FATE1: variants seen among roughly 807,000 people sequenced by gnomAD.
The protein encoded by FATE1 is fetal and adult testis expressed 1.
In FATE1, 18 loss-of-function variants were observed where a neutral mutation model predicts 16.0. The ratio of observed to expected loss-of-function variants is 1.12; its 90% CI spans 0.78 to 1.66. The LOEUF is 1.66. Among genes scored for constraint, FATE1 ranks in the 40% most tolerant of loss-of-function variants. The pLI, the probability that FATE1 is intolerant of heterozygous loss-of-function variation, is 0.00. For synonymous variants in FATE1, 76 were observed against 56.9 expected, an observed-to-expected ratio of 1.34 and a Z score of -1.51; for missense variants, 169 against 152.7, an observed-to-expected ratio of 1.11 and a Z score of -0.56.
At chrX:151,719,310 T>C (rs2015094362) in intron 2 of FATE1, among the ~76,000 whole-genome samples, 1 of 112,169 alleles carries the variant, frequency 8.9e-6, no homozygotes, top group South Asian at 3.8e-4. Flanking sequence ...AATGCTATCC[T>C]GCTGACTTGG....
At position 151,722,882 on chromosome X, in the gene FATE1, C is replaced by A; in HGVS notation, c.*123C>A. On this transcript the variant is annotated 3_prime_UTR_variant, in exon 5 of 5. Coordinates refer to ENST00000370350, the MANE Select transcript of FATE1 (RefSeq NM_033085.3). The stretch of plus-strand genomic sequence containing the variant: ...CAGCAGCCCTCAGGAGCGTCAGGAT[C>A]ATTTTCAACTCTGGTTAGGCCTCCT... 1 of 935,794 alleles carries A rather than the reference C, an allele frequency of 1.1e-6. No individual in the cohort carries two copies. Among genetic ancestry groups the A allele is most frequent in the Non-Finnish European group, 1.4e-6 (1 of 692,588 alleles). 77.1% of individuals were successfully genotyped at this position (935,794 alleles called of 1,213,427 possible).
At position 151,722,617 on chromosome X, in the gene FATE1, C is replaced by G. The variant is rs2015127463; in HGVS notation, c.421-11C>G. 8.3e-7 allele frequency: 1 copy of G among 1,211,219 alleles called. No individual in the cohort carries two copies. The highest frequency in any genetic ancestry group is 1.7e-5 in the African/African-American group (1 of 57,643). On this transcript the variant is annotated splice_polypyrimidine_tract_variant and intron_variant, in intron 4 of 4. Coordinates refer to ENST00000370350, the MANE Select transcript of FATE1 (RefSeq NM_033085.3). ...CCTCGCTCAGCAGCCCTGCCTTTGA[C>G]TCCTCTGCAGCTGTATGCAGTCAAC... is the stretch of plus-strand genomic sequence containing the variant.
chrX:151,721,263 C>T (rs1172237706), intron 2 of FATE1, 132 bp from the exon 3 acceptor site: 1 of 549,375 alleles, frequency 1.8e-6, no homozygotes, highest in East Asian at 3.6e-5. Context: ...CGGCCTGAAG[C>T]TGCCAGCCCT....
rs1459805986 is a variant in FATE1 at position 151,716,111 on chromosome X, C to G, written c.-9C>G. 2.6e-6 allele frequency: 3 copies of G among 1,158,426 alleles called. No individual in the cohort carries two copies. The East Asian group carries it at 9.8e-5, about 38-fold the overall frequency. ...TTAGCCATAGCTTACAAGAGAACAGCTGGTTGTGATGGCAGGAGGCCCTCC... is the reference window on the plus strand; with the variant it reads ...TTAGCCATAGCTTACAAGAGAACAGGTGGTTGTGATGGCAGGAGGCCCTCC... On this transcript the variant is annotated 5_prime_UTR_variant, in exon 1 of 5. Transcript: ENST00000370350.
At chrX:151,720,078 C>T (rs2015101736) in intron 2 of FATE1, among the ~76,000 whole-genome samples, 1 of 111,868 alleles carries the variant, frequency 8.9e-6, no homozygotes, top group African/African-American at 3.3e-5. Context: ...TCATTTGGTT[C>T]AGGTTTTGGC....
chrX:151,717,717 CGTGT>C (rs59141256), intron 2 of FATE1, among the ~76,000 whole-genome samples: 10,089 of 109,176 alleles, frequency 0.092, 535 homozygotes, highest in African/African-American at 0.2. Flanking sequence ...GTGTGTGGTA[CGTGT>C]GTGTGTGTGT....
chrX:151,718,797 T>C (rs996841673), intron 2 of FATE1, among the ~76,000 whole-genome samples: 2 of 110,449 alleles, frequency 1.8e-5, no homozygotes, highest in Admixed American at 1.9e-4. Context: ...AGGGAAAATT[T>C]TAGAAAATGG....
In FATE1 at chrX:151,716,079, TGC is replaced by T; in HGVS notation, c.-40_-39del. On this transcript the variant is annotated 5_prime_UTR_variant, in exon 1 of 5. Coordinates refer to ENST00000370350, the MANE Select transcript of FATE1 (RefSeq NM_033085.3). ...TGACTCCTCTGTTCCTGGCACCCTGTGCATCCTTAGCCATAGCTTACAAGAGA... is the reference window on the plus strand; with the variant it reads ...TGACTCCTCTGTTCCTGGCACCCTGTATCCTTAGCCATAGCTTACAAGAGA... The T allele has an allele frequency of 9.1e-7, 1 of 1,101,367 alleles. No individual in the cohort carries two copies. 90.8% of individuals were successfully genotyped at this position (1,101,367 alleles called of 1,213,427 possible). A position where few individuals can be genotyped will look rare whatever the true frequency, so the allele number is the denominator to read the frequency against.
chrX:151,716,855 T>C (rs2124354454), intron 1 of FATE1, among the ~76,000 whole-genome samples: 1 of 111,328 alleles, frequency 9.0e-6, no homozygotes, highest in Non-Finnish European at 1.9e-5. Context: ...GTCTCCTACT[T>C]TTCTAGGAGG....
At position 151,722,795 on chromosome X, in the gene FATE1, T is replaced by C. The variant is rs766405723; in HGVS notation, c.*36T>C. The C allele has an allele frequency of 2.5e-6, 3 of 1,178,279 alleles. No homozygotes were observed. The highest frequency in any genetic ancestry group is 3.4e-6 in the Non-Finnish European group (3 of 877,706). On this transcript the variant is annotated 3_prime_UTR_variant, in exon 5 of 5. Coordinates refer to ENST00000370350, the MANE Select transcript of FATE1 (RefSeq NM_033085.3). ...GCGGCCTCCGTATTGGAGCCCTCCCTGCTTCCCCTTCTTTCTTTCCTCTTT... is the reference window on the plus strand; with the variant it reads ...GCGGCCTCCGTATTGGAGCCCTCCCCGCTTCCCCTTCTTTCTTTCCTCTTT...
chrX:151,722,358 C>G (rs2015124362), intron 4 of FATE1, among the ~76,000 whole-genome samples: 1 of 112,286 alleles, frequency 8.9e-6, no homozygotes, highest in Non-Finnish European at 1.9e-5. Context: ...CCTTGGCTCC[C>G]CGGCGCAGCT....
chrX:151,716,513 G>A (rs1476027672), intron 1 of FATE1, among the ~76,000 whole-genome samples: 1 of 111,298 alleles, frequency 9.0e-6, no homozygotes, highest in Non-Finnish European at 1.9e-5. Flanking sequence ...AATACTCAGA[G>A]GGCTCAAATT....
At chrX:151,719,015 G>A (rs900925670) in intron 2 of FATE1, among the ~76,000 whole-genome samples, 3 of 112,044 alleles carry the variant, frequency 2.7e-5, no homozygotes, top group Non-Finnish European at 5.6e-5. Flanking sequence ...GCCAAATCAA[G>A]TTGCTCCAGG....
At chrX:151,721,306 C>T in intron 2 of FATE1, 89 bp from the exon 3 acceptor site, 2 of 784,199 alleles carry the variant, frequency 2.6e-6, no homozygotes, top group African/African-American at 2.0e-5. Flanking sequence ...TGTGATTCCC[C>T]ATGGGGTGCA....
At chrX:151,721,857 C>A (rs762321222) in intron 3 of FATE1, 46 bp from the exon 4 acceptor site, 1 of 1,155,120 alleles carries the variant, frequency 8.7e-7, no homozygotes, top group South Asian at 1.8e-5. Context: ...TGCTCCCTGC[C>A]AGGGACCACC....
rs141503444 is a variant in FATE1, at chrX:151,717,740, G to A, written c.234+341G>A. 2.2e-4 allele frequency among the ~76,000 whole-genome samples: 25 copies of A among 111,744 alleles called. No individual in the cohort carries two copies. The East Asian group carries it at 4.5e-3, about 20-fold the overall frequency. On this transcript the variant is annotated intron_variant, in intron 2 of 4. Transcript: ENST00000370350. ...TACGTGTGTGTGTGTGTGTGCGCGTGTATACACACAATAAGTCAGGTGAGG... is the reference window on the plus strand; with the variant it reads ...TACGTGTGTGTGTGTGTGTGCGCGTATATACACACAATAAGTCAGGTGAGG...
Position 151,717,915 on chromosome X carries a change from G to A in FATE1, c.234+516G>A, listed in dbSNP as rs191767883. The stretch of plus-strand genomic sequence containing the variant: ...AGTCTGGCCAGCATGGTAAAACCCC[G>A]TCTCTACTAAAAATACAAAAATTAG... On this transcript the variant is annotated intron_variant, in intron 2 of 4. Coordinates refer to ENST00000370350, the MANE Select transcript of FATE1 (RefSeq NM_033085.3). Among the ~76,000 whole-genome samples, 187 of 110,391 alleles carry A rather than the reference G, an allele frequency of 1.7e-3. 1 individual carries two copies. Among genetic ancestry groups the A allele is most frequent in the African/African-American group, 5.9e-3 (178 of 30,277 alleles).
At chrX:151,722,108 T>C in intron 4 of FATE1, 127 bp downstream of exon 4, 1 of 571,937 alleles carries the variant, frequency 1.7e-6, no homozygotes, top group Non-Finnish European at 2.8e-6. Context: ...GTGGGGCAGA[T>C]TCCCTTCCTC....
Position 151,716,166 on chromosome X carries a change from T to C in FATE1, c.47T>C (p.Leu16Pro), listed in dbSNP as rs1236696337. ...ACCAAGGCGGAGATGGAAATGTCCC[T>C]GGCAGAAGAACTGAATCATGGACGC... is the stretch of plus-strand genomic sequence containing the variant. ...PNTKAEMEMS[L>P]AEELNHGRQG... Residue 16 changes from leucine to proline, a missense_variant, in exon 1 of 5, where the codon CTG (leucine) becomes CCG (proline). Leu to Pro is a moderately conservative substitution (Grantham distance 98). Coordinates refer to ENST00000370350, the MANE Select transcript of FATE1 (RefSeq NM_033085.3). 6.0e-6 allele frequency: 7 copies of C among 1,167,901 alleles called. 1 individual carries two copies. The Admixed American group carries it at 1.5e-4, about 26-fold the overall frequency.
Sources: gnomAD v4.1 joint callset for allele counts (sites outside exome capture counted in the v4.1 genomes callset) on GRCh38, gnomAD v4.1.1 for gene constraint, MANE v1.5 for transcripts, NCBI Gene and HGNC (gene_info 2026-07-23, HGNC 2026-07-21) for gene names.